Variants in PACRG observed in about 807,000 individuals in gnomAD.
PACRG encodes the protein parkin coregulated gene protein.
In PACRG, 29 loss-of-function variants were observed where a neutral mutation model predicts 29.7. That is an observed-to-expected ratio of 0.98 (90% confidence interval 0.73 to 1.33). PACRG has a LOEUF of 1.33. PACRG is among the 40% of genes most tolerant of loss of function. The probability of loss-of-function intolerance (pLI) is 0.00; values close to 1 mark genes in which losing one functional copy is unlikely to be tolerated. For missense variants in PACRG, 279 were observed against 316.2 expected, an observed-to-expected ratio of 0.88 and a Z score of 0.89; for synonymous variants, 116 against 118.7, an observed-to-expected ratio of 0.98 and a Z score of 0.15.
At chr6:162,742,496 C>T (rs750348622) in intron 1 of PACRG, among the ~76,000 whole-genome samples, 5 of 152,120 alleles carry the variant, frequency 3.3e-5, no homozygotes, top group Non-Finnish European at 7.4e-5. Flanking sequence ...TGGACTAATA[C>T]AACATGTAAG....
intron 1 of PACRG, among the ~76,000 whole-genome samples, chr6:162,787,558 T>TTGTGTGTGTG (rs377437969): frequency 5.1e-5 from 4 of 78,882 alleles, no homozygotes; most frequent in African/African-American, 1.0e-4. Flanking sequence ...TATATGGTTA[T>TTGTGTGTGTG]TGTGTGTGTG....
At chr6:162,958,880 TATATAGAGAGAGAGAGAG>T (rs1482903087) in intron 2 of PACRG, among the ~76,000 whole-genome samples, 69 of 16,472 alleles carry the variant, frequency 4.2e-3, no homozygotes, top group African/African-American at 0.013. Context: ...TATATATATA[TATATAGAGAGAGAGAGAG>T]AGAGAGAGAG....
chr6:162,854,809 C>T (rs578212831), intron 2 of PACRG, among the ~76,000 whole-genome samples: 2 of 152,290 alleles, frequency 1.3e-5, no homozygotes, highest in African/African-American at 4.8e-5. Flanking sequence ...TGTGAAAAGC[C>T]CCACTTCGCT....
intron 2 of PACRG, among the ~76,000 whole-genome samples, chr6:162,843,428 A>T: frequency 7.0e-6 from 1 of 143,006 alleles, no homozygotes. Flanking sequence ...GTAGTTCTCG[A>T]GCCTTGGTTT....
At chr6:163,068,341 C>T (rs1056209822) in intron 3 of PACRG, among the ~76,000 whole-genome samples, 2 of 152,120 alleles carry the variant, frequency 1.3e-5, no homozygotes, top group Non-Finnish European at 2.9e-5. Flanking sequence ...TCTATCGCCT[C>T]CAGAGTCTTA....
chr6:163,186,653 C>T (rs886273684), intron 4 of PACRG, among the ~76,000 whole-genome samples: 14 of 152,170 alleles, frequency 9.2e-5, no homozygotes, highest in Non-Finnish European at 1.9e-4. Context: ...GGAGCCGTCG[C>T]GTGCAGGTGT....
chr6:162,728,261 G>A lies in PACRG; in HGVS notation c.26G>A (p.Ser9Asn). MVAEKETLSLNKCPDKMPK... is the reference protein window; with the variant it reads MVAEKETLNLNKCPDKMPK... Reference sequence around the variant, plus strand: ...ATGGTGGCAGAAAAAGAGACCCTGAGCTTAAACAAATGCCCAGACAAGATG... The same window carrying A: ...ATGGTGGCAGAAAAAGAGACCCTGAACTTAAACAAATGCCCAGACAAGATG... Residue 9 changes from serine (S) to asparagine (N), a missense_variant, in exon 1 of 5, where the codon AGC becomes AAC. Physicochemically the swap from Ser to Asn is conservative, Grantham distance 46 (BLOSUM62 1). Transcript: ENST00000366888. The A allele has an allele frequency of 1.2e-6, 2 of 1,613,918 alleles. No homozygotes were observed. The highest frequency in any genetic ancestry group is 1.7e-6 in the Non-Finnish European group (2 of 1,179,996).
chr6:163,176,148 T>A (rs776246308), intron 4 of PACRG, among the ~76,000 whole-genome samples: 7 of 152,196 alleles, frequency 4.6e-5, no homozygotes, highest in Non-Finnish European at 7.3e-5. Context: ...GTTTCTTCTA[T>A]AGTCTGCATA....
At chr6:163,270,500 A>G (rs1585388037) in intron 4 of PACRG, among the ~76,000 whole-genome samples, 1 of 151,834 alleles carries the variant, frequency 6.6e-6, no homozygotes, top group African/African-American at 2.4e-5. Flanking sequence ...CCTCTCAAGT[A>G]GCTGGGACTA....
At chr6:163,119,165 C>CTCTG (rs1816150632) in intron 4 of PACRG, among the ~76,000 whole-genome samples, 1 of 152,222 alleles carries the variant, frequency 6.6e-6, no homozygotes, top group Non-Finnish European at 1.5e-5. Context: ...TGTCATTTAA[C>CTCTG]TGCGAGGGCC....
At chr6:163,090,655 A>G (rs1814018819) in intron 4 of PACRG, among the ~76,000 whole-genome samples, 2 of 152,232 alleles carry the variant, frequency 1.3e-5, no homozygotes. Context: ...ACCATATAGT[A>G]GCAGCAAATA....
intron 3 of PACRG, among the ~76,000 whole-genome samples, chr6:163,088,325 A>G (rs957037121): frequency 1.3e-5 from 2 of 152,174 alleles, no homozygotes; most frequent in Admixed American, 1.3e-4. Context: ...GAGTCATCTG[A>G]GGCATCACAT....
In PACRG at chr6:162,729,875, T is replaced by TA. The variant is rs892270214; in HGVS notation, c.156+1492dup. On this transcript the variant is annotated intron_variant, in intron 1 of 4. Transcript: ENST00000366888. ...ATGTAATAAGTATGCCTACATGACT[T>TA]AAAAAAAACATTGATTATGAAGCAG... is the stretch of plus-strand genomic sequence containing the variant. Among the ~76,000 whole-genome samples the TA allele has an allele frequency of 2.2e-3, 331 of 151,962 alleles. 1 individual carries two copies. The highest frequency in any genetic ancestry group is 7.5e-3 in the African/African-American group (309 of 41,464).
intron 4 of PACRG, among the ~76,000 whole-genome samples, chr6:163,242,108 G>A (rs1782531549): frequency 6.6e-6 from 1 of 152,136 alleles, no homozygotes; most frequent in Non-Finnish European, 1.5e-5. Context: ...ATTTGTTACT[G>A]TTTTCATCCA....
chr6:163,237,444 C>G (rs1017531245), intron 4 of PACRG, among the ~76,000 whole-genome samples: 12 of 152,086 alleles, frequency 7.9e-5, no homozygotes, highest in African/African-American at 2.9e-4. Context: ...GCTAATTTGA[C>G]TAGATGTTAT....
At chr6:163,277,304 C>A (rs1218840094) in intron 4 of PACRG, among the ~76,000 whole-genome samples, 1 of 151,932 alleles carries the variant, frequency 6.6e-6, no homozygotes, top group African/African-American at 2.4e-5. Flanking sequence ...CATTCTCATG[C>A]CTTTGCGTCC....
intron 4 of PACRG, among the ~76,000 whole-genome samples, chr6:163,162,694 C>T (rs933284582): frequency 6.6e-6 from 1 of 152,216 alleles, no homozygotes; most frequent in Non-Finnish European, 1.5e-5. Context: ...ATTTTGCAAG[C>T]TTCCCAGGTG....
chr6:162,741,097 A>G (rs1780557406), intron 1 of PACRG, among the ~76,000 whole-genome samples: 2 of 152,094 alleles, frequency 1.3e-5, no homozygotes, highest in African/African-American at 4.8e-5. Flanking sequence ...TTTAATCATG[A>G]TGTATTTAGC....
intron 4 of PACRG, among the ~76,000 whole-genome samples, chr6:163,197,598 C>T (rs563631939): frequency 5.7e-5 from 8 of 140,712 alleles, no homozygotes; most frequent in South Asian, 4.6e-4. Flanking sequence ...CGCCCGCCAC[C>T]ACGCCCGGCT....
Sources: allele counts gnomAD v4.1 joint callset (sites outside exome capture counted in the v4.1 genomes callset), GRCh38; gene constraint gnomAD v4.1.1; transcripts MANE v1.5; gene names NCBI Gene and HGNC (gene_info 2026-07-23, HGNC 2026-07-21).